COBL: variants seen among roughly 807,000 people sequenced by gnomAD.
COBL encodes the protein cordon-bleu WH2 repeat protein, also known as protein cordon-bleu.
Under a neutral mutation model 98.8 loss-of-function variants are expected in COBL, and 51 were observed. The observed-to-expected ratio is 0.52, with a 90% CI of 0.41 to 0.65. The LOEUF (loss-of-function observed/expected upper bound fraction) is 0.65, where lower values mean the gene tolerates loss of function less well. Ranked by LOEUF, COBL falls within the 30% of genes least tolerant of loss-of-function variation. COBL has a pLI of 0.00. For missense variants in COBL, 1,617 were observed against 1,617.5 expected, an observed-to-expected ratio of 1.00 and a Z score of 0.01; for synonymous variants, 634 against 651.7, an observed-to-expected ratio of 0.97 and a Z score of 0.41.
At chr7:51,235,534 G>C (rs1177055682) in intron 1 of COBL, among the ~76,000 whole-genome samples, 1 of 152,112 alleles carries the variant, frequency 6.6e-6, no homozygotes, top group East Asian at 1.9e-4. Context: ...CAGAACTTTT[G>C]CTGCAAGTGC....
At chr7:51,183,757 T>C (rs1240400511) in intron 5 of COBL, among the ~76,000 whole-genome samples, 1 of 152,254 alleles carries the variant, frequency 6.6e-6, no homozygotes, top group Admixed American at 6.5e-5. Context: ...CACTCATTCA[T>C]TAATCTAAAC....
chr7:51,027,815 T>G lies in COBL; in HGVS notation c.3281A>C (p.Lys1094Thr), dbSNP rs1288211076. 3 of 1,614,224 alleles carry G rather than the reference T, an allele frequency of 1.9e-6. No individual in the cohort carries two copies. The South Asian group carries it at 3.3e-5, about 18-fold the overall frequency. Residue 1094 changes from lysine to threonine, a missense_variant, in exon 10 of 13, where the codon AAA becomes ACA. By Grantham distance (78) the Lys-to-Thr change is moderately conservative. Coordinates refer to ENST00000265136, the MANE Select transcript of COBL (RefSeq NM_015198.5). ...TGGTCTCTGGACAACAGGTTTGAAT[T>G]TTTTCTTCGGCCCAAAAATGCTGGG... ...WPPSIFGPKKKFKPVVQRPVP... is the reference protein window; with the variant it reads ...WPPSIFGPKKTFKPVVQRPVP...
rs901640665 is a variant in COBL at position 51,024,234 on chromosome 7, G to A, written c.3768+875C>T. Reference sequence around the variant, plus strand: ...TGAGGCAGGAGAATGGCATGAACCCGGGAGGCGGAGCTTGCAGTGAGCCGA... The same window carrying A: ...TGAGGCAGGAGAATGGCATGAACCCAGGAGGCGGAGCTTGCAGTGAGCCGA... On this transcript the variant is annotated intron_variant, in intron 12 of 12. Transcript: ENST00000265136. Among the ~76,000 whole-genome samples the A allele has an allele frequency of 5.9e-5, 9 of 152,122 alleles. No homozygotes were observed. The East Asian group carries it at 9.7e-4, about 16-fold the overall frequency.
intron 6 of COBL, among the ~76,000 whole-genome samples, chr7:51,109,476 A>C (rs927173129): frequency 6.6e-6 from 1 of 152,004 alleles, no homozygotes; most frequent in Non-Finnish European, 1.5e-5. Context: ...GAAGCACCTC[A>C]GTTCTTGCTG....
intron 6 of COBL, among the ~76,000 whole-genome samples, chr7:51,128,021 T>C (rs1798388247): frequency 6.6e-6 from 1 of 152,252 alleles, no homozygotes; most frequent in African/African-American, 2.4e-5. Context: ...TCTTGGCAGC[T>C]AGTTTGTGTA....
chr7:51,025,203 C>G lies in COBL; in HGVS notation c.3674G>C (p.Arg1225Thr), dbSNP rs1199226617. The change falls in exon 12 of 13, where the codon AGG becomes ACG. Residue 1225 changes from arginine (R) to threonine (T), a missense_variant. Physicochemically the swap from Arg to Thr is moderately conservative, Grantham distance 71. Transcript: ENST00000265136. ...QALSAPRTAS[R>T]FSTGTLSNTA... ...GTTGCTGAGGGTGCCCGTGCTGAAC[C>G]TGGAGGCCGTCCTTGGTGCAGAGAG... is the stretch of plus-strand genomic sequence containing the variant. 2.9e-6 allele frequency: 4 copies of G among 1,376,418 alleles called. No homozygotes were observed. The highest frequency in any genetic ancestry group is 4.3e-5 in the East Asian group (1 of 22,992). The allele number at this position is 1,376,418 out of a possible 1,614,324, so 85.3% of individuals were successfully genotyped here.
At chr7:51,302,424 A>T (rs1802061655) in intron 1 of COBL, among the ~76,000 whole-genome samples, 1 of 152,034 alleles carries the variant, frequency 6.6e-6, no homozygotes, top group South Asian at 2.1e-4. Flanking sequence ...TCTACTAAAA[A>T]TACAAAATTA....
At chr7:51,018,891 CAAAA>C (rs11433270) in intron 12 of COBL, among the ~76,000 whole-genome samples, 7 of 6,832 alleles carry the variant, frequency 1.0e-3, no homozygotes, top group East Asian at 4.3e-3. Flanking sequence ...AACTCCATCT[CAAAA>C]AAAAAAAAAA....
Position 51,249,774 on chromosome 7 carries a change from A to G in COBL, c.42-29830T>C, listed in dbSNP as rs1796560448. 7.2e-5 allele frequency among the ~76,000 whole-genome samples: 11 copies of G among 152,138 alleles called. No homozygotes were observed. The South Asian group carries it at 2.3e-3, about 32-fold the overall frequency. ...ACTGGGCACAGAGGCTCACATTCAA[A>G]CCCTCTGCAGAGCTGGCTGTGAAAA... On this transcript the variant is annotated intron_variant, in intron 1 of 12. Transcript: ENST00000265136.
intron 5 of COBL, 86 bp downstream of exon 5, chr7:51,184,016 A>G (rs1407121731): frequency 1.6e-6 from 1 of 622,274 alleles, no homozygotes; most frequent in African/African-American, 1.9e-5. Flanking sequence ...TTGTTTAGAA[A>G]AGTTCCAGGA....
Position 51,264,084 on chromosome 7 carries a change from G to A in COBL, c.42-44140C>T, listed in dbSNP as rs184326679. Among the ~76,000 whole-genome samples the A allele has an allele frequency of 2.0e-4, 30 of 152,268 alleles. No homozygotes were observed. The East Asian group carries it at 4.1e-3, about 21-fold the overall frequency. On this transcript the variant is annotated intron_variant, in intron 1 of 12. Transcript: ENST00000265136. ...AACTAGTGAGGAAGAGAGCCAGGAC[G>A]CCGGCCCAGGTCTATCTGAGCTTGG... is the stretch of plus-strand genomic sequence containing the variant.
intron 1 of COBL, among the ~76,000 whole-genome samples, chr7:51,253,124 T>C (rs1480577619): frequency 1.3e-5 from 2 of 152,068 alleles, no homozygotes; most frequent in African/African-American, 4.8e-5. Flanking sequence ...CTCAAGAGGC[T>C]GAGGCAGGAC....
chr7:51,187,679 A>G (rs1563013025), intron 4 of COBL, among the ~76,000 whole-genome samples: 1 of 152,172 alleles, frequency 6.6e-6, no homozygotes. Context: ...TTTCTCATCA[A>G]TTAGAGCCAC....
intron 4 of COBL, among the ~76,000 whole-genome samples, chr7:51,186,010 T>C (rs1789464684): frequency 6.6e-6 from 1 of 152,236 alleles, no homozygotes; most frequent in African/African-American, 2.4e-5. Flanking sequence ...CATCGCACAG[T>C]ACCCAAATCA....
intron 6 of COBL, among the ~76,000 whole-genome samples, chr7:51,113,511 A>G (rs905144688): frequency 1.3e-5 from 2 of 152,190 alleles, no homozygotes; most frequent in African/African-American, 2.4e-5. Flanking sequence ...CTGTCACTCA[A>G]TTCCACGGCT....
Position 51,029,261 on chromosome 7 carries a change from C to G in COBL, c.1835G>C (p.Arg612Pro), listed in dbSNP as rs753085874. The G allele has an allele frequency of 1.2e-6, 2 of 1,610,736 alleles. No individual in the cohort carries two copies. Among genetic ancestry groups the G allele is most frequent in the South Asian group, 2.2e-5 (2 of 90,688 alleles). The change falls in exon 10 of 13, where the codon CGT becomes CCT. Residue 612 changes from arginine (R) to proline (P), a missense_variant. Physicochemically the swap from Arg to Pro is moderately radical, Grantham distance 103 (BLOSUM62 -2). This residue lies in a region of COBL where 1,304 missense variants were observed against 1,282.0 expected (regional missense o/e 1.02). Transcript: ENST00000265136. ...PASHDVGKGIRVALSNISKDG... is the reference protein window; with the variant it reads ...PASHDVGKGIPVALSNISKDG... The stretch of plus-strand genomic sequence containing the variant: ...TTTAGAGATGTTAGATAAGGCCACA[C>G]GGATTCCTTTTCCGACGTCATGGGA...
intron 5 of COBL, among the ~76,000 whole-genome samples, chr7:51,161,212 C>T (rs1368109615): frequency 6.6e-6 from 1 of 152,146 alleles, no homozygotes; most frequent in Non-Finnish European, 1.5e-5. Context: ...GACAACACTG[C>T]CACCCTGTGG....
At chr7:51,027,265 C>A (rs560708336) in intron 10 of COBL, among the ~76,000 whole-genome samples, 1 of 152,214 alleles carries the variant, frequency 6.6e-6, no homozygotes, top group East Asian at 1.9e-4. Flanking sequence ...ATGGGCAAGG[C>A]GTGTCCTACA....
chr7:51,242,485 G>C, intron 1 of COBL, among the ~76,000 whole-genome samples: 1 of 152,148 alleles, frequency 6.6e-6, no homozygotes, highest in East Asian at 1.9e-4. Flanking sequence ...TGGTATCACA[G>C]GCTGTCCTGG....
Sources: gnomAD v4.1 joint callset for allele counts (sites outside exome capture counted in the v4.1 genomes callset) on GRCh38, gnomAD v4.1.1 for gene constraint, gnomAD v4.1.1 regional missense constraint, MANE v1.5 for transcripts, NCBI Gene and HGNC (gene_info 2026-07-23, HGNC 2026-07-21) for gene names.